Variants in GATA3 observed in about 807,000 individuals in gnomAD.
GATA3 encodes GATA binding protein 3, also known as trans-acting T-cell-specific transcription factor GATA-3.
GATA3 carries 6 observed loss-of-function variants against 36.0 expected under a neutral mutation model. The observed-to-expected ratio is 0.17, with a 90% CI of 0.09 to 0.33. The LOEUF is 0.33. Among genes scored for constraint, GATA3 ranks in the 10% least tolerant of loss-of-function variants. The pLI is 1.00. For synonymous variants in GATA3, 326 were observed against 273.0 expected (o/e 1.19, Z -1.92); for missense variants, 514 against 610.1 (o/e 0.84, Z 1.66).
Position 8,055,120 on chromosome 10 carries a change from G to A in GATA3, c.-369-167G>A, listed in dbSNP as rs957809117. 1.4e-4 allele frequency among the ~76,000 whole-genome samples: 21 copies of A among 152,048 alleles called. No homozygotes were observed. Among genetic ancestry groups the A allele is most frequent in the Middle Eastern group, 3.4e-3 (1 of 294 alleles). The stretch of plus-strand genomic sequence containing the variant: ...TTGCTCAGCCAGCCCCGGCTCCCGC[G>A]AGCCGGGCTGCAGGGACGTCCCCGA... On this transcript the variant is annotated intron_variant, in intron 1 of 5. Coordinates refer to ENST00000379328, the MANE Select transcript of GATA3 (RefSeq NM_001002295.2). The surrounding 1 kb of genome is among the most constrained non-coding windows in gnomAD (Gnocchi z 5.4).
In GATA3 at chr10:8,073,753, G is replaced by A. The variant is rs2131520027; in HGVS notation, c.1065G>A (p.Leu355=). The A allele has an allele frequency of 7.4e-6, 12 of 1,612,660 alleles. No homozygotes were observed. The highest frequency in any genetic ancestry group is 1.3e-5 in the African/African-American group (1 of 74,730). ...TCTTTGTTTAGATTAACAGACCCCT[G>A]ACTATGAAGAAGGAAGGCATCCAGA... is the stretch of plus-strand genomic sequence containing the variant. ...YYKLHNINRP[L]TMKKEGIQTR... The change falls in exon 6 of 6, where the codon CTG becomes CTA. Residue 355 remains leucine (L), a synonymous_variant. Transcript: ENST00000379328.
At chr10:8,067,523 G>T (rs939270111) in intron 4 of GATA3, among the ~76,000 whole-genome samples, 2 of 152,080 alleles carry the variant, frequency 1.3e-5, no homozygotes, top group Non-Finnish European at 1.5e-5. Context: ...ATATAAAACT[G>T]TACCAGAATC....
upstream of GATA3, chr10:8,053,766 G>A (rs11567879): frequency 0.015 from 2,248 of 152,416 alleles, 22 homozygotes; most frequent in Admixed American, 0.026. This position sits in a 1 kb window ranked among gnomAD's most constrained non-coding sequence, Gnocchi z 5.1. Flanking sequence ...TGGGAGAAAC[G>A]CCGGGAGCCG....
At chr10:8,047,403 G>A (rs1832404556) in intron 1 of GATA3, among the ~76,000 whole-genome samples, 1 of 152,248 alleles carries the variant, frequency 6.6e-6, no homozygotes, top group East Asian at 1.9e-4. Flanking sequence ...CTGCACTGAA[G>A]TGATGTCTCA....
chr10:8,055,610 G>T lies in GATA3; in HGVS notation c.-46G>T, dbSNP rs1271210785. 1 of 1,534,114 alleles carries T rather than the reference G, an allele frequency of 6.5e-7. No homozygotes were observed. The highest frequency in any genetic ancestry group is 8.7e-7 in the Non-Finnish European group (1 of 1,144,192). ...CAGGCGGACCGCCCTCCCTCCCCGC[G>T]CGCGGGTTCCGGGCCCGGCGAGAGG... On this transcript the variant is annotated 5_prime_UTR_variant, in exon 2 of 6. Coordinates refer to ENST00000379328, the MANE Select transcript of GATA3 (RefSeq NM_001002295.2). The surrounding 1 kb of genome is among the most constrained non-coding windows in gnomAD (Gnocchi z 5.4).
chr10:8,062,679 T>G (rs570312913), intron 3 of GATA3, among the ~76,000 whole-genome samples: 2 of 152,306 alleles, frequency 1.3e-5, no homozygotes, highest in African/African-American at 2.4e-5. Context: ...AGGTCATTAA[T>G]TACTCTCTTA....
At position 8,074,046 on chromosome 10, in the gene GATA3, GCC is replaced by G. The variant is rs749192353; in HGVS notation, c.*27_*28del. ...TAGAGCCCTGCTCGATGCTCACAGG[GCC>G]CCCAGCGAGAGTCCCTGCAGTCCCT... On this transcript the variant is annotated 3_prime_UTR_variant, in exon 6 of 6. Transcript: ENST00000379328. 32 of 1,612,866 alleles carry G rather than the reference GCC, an allele frequency of 2.0e-5. No homozygotes were observed. The African/African-American group carries it at 4.0e-4, about 20-fold the overall frequency.
chr10:8,050,396 G>A (rs1482644798), upstream of GATA3: 1 of 152,312 alleles, frequency 6.6e-6, no homozygotes, highest in Non-Finnish European at 1.5e-5. Context: ...GGGTACTGGC[G>A]CCGGCCTCGA....
rs575374217 is a variant in GATA3 at position 8,058,484 on chromosome 10, T to C, written c.421T>C (p.Leu141=). 1.2e-6 allele frequency: 2 copies of C among 1,612,502 alleles called. No individual in the cohort carries two copies. The highest frequency in any genetic ancestry group is 1.1e-5 in the South Asian group (1 of 91,030). Residue 141 remains leucine (L), a synonymous_variant, in exon 3 of 6, where the codon TTG becomes CTG. Transcript: ENST00000379328. ...SVYPPASSSS[L]SGGHASPHLF... is the part of the protein sequence containing the mutation. The stretch of plus-strand genomic sequence containing the variant: ...CTACCCCCCGGCCTCGTCCTCCTCC[T>C]TGTCGGGGGGCCACGCCAGCCCGCA...
exon 1 of GATA3, chr10:8,045,387 A>C (rs1832375123): frequency 6.6e-6 from 1 of 152,506 alleles, no homozygotes; most frequent in Admixed American, 6.5e-5. Context: ...TGCGGTGAGC[A>C]GTTCCAGCGG....
At chr10:8,053,924 G>T (rs1390234555), upstream of GATA3, 1 of 152,394 alleles carries the variant, frequency 6.6e-6, no homozygotes, top group Admixed American at 6.5e-5. This position sits in a 1 kb window ranked among gnomAD's most constrained non-coding sequence, Gnocchi z 5.1. Context: ...ATCCCTCACT[G>T]TTGCCACTCA....
chr10:8,074,909 G>A lies in GATA3; in HGVS notation c.*886G>A, dbSNP rs1735357945. On this transcript the variant is annotated 3_prime_UTR_variant, in exon 6 of 6. Coordinates refer to ENST00000379328, the MANE Select transcript of GATA3 (RefSeq NM_001002295.2). ...AGTTGGCCTAAGGTGGTTGTGCTCG[G>A]AGGGTTTCTTGTTTCTTTTCCATTT... 1.3e-5 allele frequency: 3 copies of A among 233,594 alleles called. No homozygotes were observed. The highest frequency in any genetic ancestry group is 6.6e-5 in the African/African-American group (3 of 45,332). The allele number at this position is 233,594 out of a possible 1,614,324, so 14.5% of individuals were successfully genotyped here.
At chr10:8,063,805 G>A (rs546562136) in intron 3 of GATA3, among the ~76,000 whole-genome samples, 188 bp from the exon 4 acceptor site, 53 of 152,294 alleles carry the variant, frequency 3.5e-4, no homozygotes, top group African/African-American at 1.2e-3. Flanking sequence ...GAACGGTCAT[G>A]CCAGGACAGC....
intron 3 of GATA3, 104 bp from the exon 4 acceptor site, chr10:8,063,889 G>A: frequency 2.6e-6 from 4 of 1,524,616 alleles, no homozygotes; most frequent in South Asian, 2.3e-5. Context: ...GGAGGGAGAA[G>A]GAAAAAAGTT....
At chr10:8,050,189 G>C (rs746560791), upstream of GATA3, among the ~76,000 whole-genome samples, 1 of 152,376 alleles carries the variant, frequency 6.6e-6, no homozygotes, top group South Asian at 2.1e-4. Flanking sequence ...GCCCCGGTGC[G>C]TACTGCGGCG....
chr10:8,065,146 A>ATTT (rs1832814352), intron 4 of GATA3, among the ~76,000 whole-genome samples: 3 of 152,286 alleles, frequency 2.0e-5, no homozygotes, highest in East Asian at 3.9e-4. Context: ...CTAAGGAAGG[A>ATTT]AAAAGAACAC....
chr10:8,048,335 C>A (rs574105222), intron 1 of GATA3, among the ~76,000 whole-genome samples: 2 of 152,180 alleles, frequency 1.3e-5, no homozygotes, highest in Non-Finnish European at 2.9e-5. Flanking sequence ...CCACCTCACC[C>A]GGCAATGCTA....
Position 8,074,272 on chromosome 10 carries a change from T to G in GATA3, c.*249T>G. On this transcript the variant is annotated 3_prime_UTR_variant, in exon 6 of 6. Transcript: ENST00000379328. Reference sequence around the variant, plus strand: ...ATCCCCTATTTAACAGGGTCTCTAGTGCTGTGAAAAAAAAAATGCTGAACA... The same window carrying G: ...ATCCCCTATTTAACAGGGTCTCTAGGGCTGTGAAAAAAAAAATGCTGAACA... 2.2e-6 allele frequency: 1 copy of G among 462,220 alleles called. No homozygotes were observed. Among genetic ancestry groups the G allele is most frequent in the Non-Finnish European group, 3.7e-6 (1 of 272,560 alleles). The allele number at this position is 462,220 out of a possible 1,614,324, so 28.6% of individuals were successfully genotyped here.
chr10:8,054,660 T>C (rs2131478934), upstream of GATA3: 1 of 151,618 alleles, frequency 6.6e-6, no homozygotes, highest in East Asian at 2.0e-4. The surrounding 1 kb of genome is among the most constrained non-coding windows in gnomAD (Gnocchi z 4.2). Context: ...AGAACCTCCT[T>C]AAGTTGCGTC....
Sources: allele counts gnomAD v4.1 joint callset (sites outside exome capture counted in the v4.1 genomes callset), GRCh38; gene constraint gnomAD v4.1.1; non-coding constraint Gnocchi (gnomAD v3.1); transcripts MANE v1.5; gene names NCBI Gene and HGNC (gene_info 2026-07-23, HGNC 2026-07-21).